PRDM2: variants seen among roughly 807,000 people sequenced by gnomAD.
PRDM2 encodes the protein PR domain zinc finger protein 2.
Under a neutral mutation model 130.0 loss-of-function variants are expected in PRDM2, and 30 were observed. The ratio of observed to expected loss-of-function variants is 0.23; its 90% CI spans 0.17 to 0.31. The LOEUF is 0.31. Ranked by LOEUF, PRDM2 falls within the 10% of genes least tolerant of loss-of-function variation. The pLI is 1.00. For synonymous variants in PRDM2, 871 were observed against 782.4 expected (o/e 1.11, Z -1.89); for missense variants, 2,011 against 2,108.4 (o/e 0.95, Z 0.90).
chr1:13,787,671 G>T, intron 8 of PRDM2: 1 of 979,614 alleles, frequency 1.0e-6, no homozygotes, highest in Non-Finnish European at 1.2e-6. Context: ...AAATTGTTTT[G>T]GACGCTTCAA....
intron 6 of PRDM2, among the ~76,000 whole-genome samples, chr1:13,768,060 C>T (rs1383954693): frequency 4.7e-5 from 7 of 148,620 alleles, no homozygotes; most frequent in African/African-American, 7.4e-5. Context: ...ACATTTTTAA[C>T]ATTTTGTCCT....
At chr1:13,714,203 T>C (rs1030722611) in intron 1 of PRDM2, among the ~76,000 whole-genome samples, 1 of 147,904 alleles carries the variant, frequency 6.8e-6, no homozygotes, top group African/African-American at 2.4e-5. Context: ...AACAATCTTA[T>C]GTCTTAGAGA....
chr1:13,762,833 T>C (rs1030949917), intron 6 of PRDM2, among the ~76,000 whole-genome samples: 17 of 152,130 alleles, frequency 1.1e-4, no homozygotes, highest in Admixed American at 6.5e-4. Context: ...CCTGCGATTA[T>C]GTGGATGATG....
chr1:13,817,607 A>G (rs1265301648), intron 9 of PRDM2, among the ~76,000 whole-genome samples: 1 of 151,452 alleles, frequency 6.6e-6, no homozygotes. Flanking sequence ...TTTTATAAAT[A>G]CAGACCTCAG....
chr1:13,772,985 A>T (rs1644390460), intron 6 of PRDM2, 93 bp from the exon 7 acceptor site: 1 of 725,250 alleles, frequency 1.4e-6, no homozygotes, highest in East Asian at 2.9e-5. Flanking sequence ...ATTAATAATT[A>T]TCTTCAGTAA....
At chr1:13,738,883 C>T (rs988284376) in intron 4 of PRDM2, 2 of 151,428 alleles carry the variant, frequency 1.3e-5, no homozygotes, top group Admixed American at 1.3e-4. Context: ...TTCAACAAAC[C>T]CTTCAGGTAT....
intron 6 of PRDM2, among the ~76,000 whole-genome samples, chr1:13,766,803 T>G (rs1432075713): frequency 2.0e-5 from 3 of 152,260 alleles, no homozygotes; most frequent in African/African-American, 7.2e-5. Context: ...CATATAGTTT[T>G]AAATTTAATT....
rs982737606 is a variant in PRDM2, at chr1:13,779,018, A to G, written c.1223A>G (p.His408Arg). The change falls in exon 8 of 10, where the codon CAT (histidine) becomes CGT (arginine). Residue 408 changes from histidine (H) to arginine (R), a missense_variant. Physicochemically the swap from His to Arg is conservative, Grantham distance 29. Coordinates refer to ENST00000311066, the MANE Select transcript of PRDM2 (RefSeq NM_001393986.1). The surrounding 1 kb of genome is among the most constrained non-coding windows in gnomAD (Gnocchi z 4.9). Reference sequence around the variant, plus strand: ...GGCACACAGATTAACCGGCGGCGACATGAGCGGCGCCATGAAGCAGGGTTA... The same window carrying G: ...GGCACACAGATTAACCGGCGGCGACGTGAGCGGCGCCATGAAGCAGGGTTA... ...AFGTQINRRR[H>R]ERRHEAGLKR... 1.2e-6 allele frequency: 2 copies of G among 1,614,210 alleles called. No homozygotes were observed. The highest frequency in any genetic ancestry group is 1.7e-6 in the Non-Finnish European group (2 of 1,180,032).
At chr1:13,749,686 G>A (rs889090573) in intron 6 of PRDM2, among the ~76,000 whole-genome samples, 199 bp downstream of exon 6, 3 of 151,516 alleles carry the variant, frequency 2.0e-5, no homozygotes, top group Non-Finnish European at 4.4e-5. Context: ...CTCGGGCCCT[G>A]CGATCGCTGC....
At chr1:13,758,187 T>C (rs1644005915) in intron 6 of PRDM2, among the ~76,000 whole-genome samples, 1 of 152,068 alleles carries the variant, frequency 6.6e-6, no homozygotes, top group Admixed American at 6.5e-5. Context: ...CTCACACCTG[T>C]AATCCCAGCA....
chr1:13,738,091 G>GT (rs1643325472), intron 4 of PRDM2, among the ~76,000 whole-genome samples: 1 of 152,086 alleles, frequency 6.6e-6, no homozygotes. Context: ...TCTCACTTTG[G>GT]TAAAAAAGTG....
At chr1:13,776,199 T>G (rs1160853120) in intron 7 of PRDM2, among the ~76,000 whole-genome samples, 1 of 152,092 alleles carries the variant, frequency 6.6e-6, no homozygotes, top group East Asian at 1.9e-4. Flanking sequence ...AGTGAAGCTC[T>G]CTATGGGTAA....
intron 8 of PRDM2, among the ~76,000 whole-genome samples, chr1:13,796,646 G>C (rs1035966710): frequency 6.6e-6 from 1 of 152,166 alleles, no homozygotes; most frequent in African/African-American, 2.4e-5. Flanking sequence ...CAGCTACTCA[G>C]GAGGCTGAGG....
chr1:13,714,428 G>C (rs1280194288), intron 1 of PRDM2, among the ~76,000 whole-genome samples: 1 of 151,784 alleles, frequency 6.6e-6, no homozygotes, highest in Non-Finnish European at 1.5e-5. Flanking sequence ...CAATCTCATG[G>C]AATACATCCT....
At position 13,782,745 on chromosome 1, in the gene PRDM2, C is replaced by G; in HGVS notation, c.4950C>G (p.Thr1650=). 1 of 1,613,050 alleles carries G rather than the reference C, an allele frequency of 6.2e-7. No homozygotes were observed. Among genetic ancestry groups the G allele is most frequent in the Non-Finnish European group, 8.5e-7 (1 of 1,179,678 alleles). The change falls in exon 8 of 10, where the codon ACC becomes ACG. Residue 1650 remains threonine, a synonymous_variant. Coordinates refer to ENST00000311066, the MANE Select transcript of PRDM2 (RefSeq NM_001393986.1). ...KSRERSGGPV[T]RSLQLAAAAD... is the part of the protein sequence containing the mutation. ...GAGAGCGGAGTGGGGGGCCAGTCAC[C>G]CGGAGCCTTCAGCTGGCAGCTGCTG...
At chr1:13,728,867 A>G (rs1643010989) in intron 2 of PRDM2, among the ~76,000 whole-genome samples, 1 of 152,098 alleles carries the variant, frequency 6.6e-6, no homozygotes, top group Non-Finnish European at 1.5e-5. Context: ...CTTGTACTCA[A>G]GTTACACATT....
Position 13,780,948 on chromosome 1 carries a change from T to G in PRDM2, c.3153T>G (p.Leu1051=). The G allele has an allele frequency of 6.2e-7, 1 of 1,609,150 alleles. No individual in the cohort carries two copies. The highest frequency in any genetic ancestry group is 1.1e-5 in the South Asian group (1 of 90,952). The part of the protein sequence containing the change: ...MSAASPGPPT[L]SSSSSSSSSS... ...CCGCCTCACCCGGGCCTCCAACACT[T>G]TCTTCTTCCTCCTCTTCATCTTCCT... The change falls in exon 8 of 10, where the codon CTT becomes CTG. Residue 1051 remains leucine (L), a synonymous_variant. Coordinates refer to ENST00000311066, the MANE Select transcript of PRDM2 (RefSeq NM_001393986.1).
Position 13,780,441 on chromosome 1 carries a change from A to G in PRDM2, c.2646A>G (p.Lys882=), listed in dbSNP as rs1644581682. ...CGTGTAGTGCTGTAAAGAAAAGGAA[A>G]CCAACCACCTGCATGCTGCAGAAGG... ...QPTCSAVKKR[K]PTTCMLQKVL... Residue 882 remains lysine (K), a synonymous_variant, in exon 8 of 10, where the codon AAA becomes AAG. Transcript: ENST00000311066. The G allele has an allele frequency of 8.1e-6, 13 of 1,614,048 alleles. No homozygotes were observed. The highest frequency in any genetic ancestry group is 4.0e-5 in the African/African-American group (3 of 74,916).
At chr1:13,787,742 T>C (rs899596952) in intron 8 of PRDM2, 18 of 984,422 alleles carry the variant, frequency 1.8e-5, no homozygotes, top group Non-Finnish European at 2.2e-5. Flanking sequence ...CGGAGAGTGC[T>C]CCTGTATTGA....
Sources: allele counts gnomAD v4.1 joint callset (sites outside exome capture counted in the v4.1 genomes callset), GRCh38; gene constraint gnomAD v4.1.1; non-coding constraint Gnocchi (gnomAD v3.1); transcripts MANE v1.5; gene names NCBI Gene and HGNC (gene_info 2026-07-23, HGNC 2026-07-21).